Variants in KCNMA1 observed in about 807,000 individuals in gnomAD.
The protein encoded by KCNMA1 is Calcium-activated potassium channel subunit alpha-1.
In KCNMA1, 29 loss-of-function variants were observed where a neutral mutation model predicts 140.0. The ratio of observed to expected loss-of-function variants is 0.21; its 90% CI spans 0.15 to 0.28. The LOEUF (loss-of-function observed/expected upper bound fraction) is 0.28. Among genes scored for constraint, KCNMA1 ranks in the 10% least tolerant of loss-of-function variants. KCNMA1 has a pLI of 1.00. For synonymous variants in KCNMA1, 612 were observed against 611.9 expected (o/e 1.00, Z 0.00); for missense variants, 880 against 1,602.2 (o/e 0.55, Z 7.70).
At chr10:76,929,625 T>C (rs2058747788) in intron 23 of KCNMA1, among the ~76,000 whole-genome samples, 1 of 152,230 alleles carries the variant, frequency 6.6e-6, no homozygotes, top group Non-Finnish European at 1.5e-5. Flanking sequence ...GGATCAGAGA[T>C]GGTTTCCTTG....
intron 1 of KCNMA1, among the ~76,000 whole-genome samples, chr10:77,582,937 C>CAAT (rs1250318976): frequency 6.6e-6 from 1 of 152,254 alleles, no homozygotes; most frequent in Admixed American, 6.5e-5. Flanking sequence ...GACAGGCCAC[C>CAAT]AGCCCCATCC....
At chr10:77,175,121 T>G (rs1002810507) in intron 5 of KCNMA1, among the ~76,000 whole-genome samples, 1 of 152,128 alleles carries the variant, frequency 6.6e-6, no homozygotes, top group African/African-American at 2.4e-5. Context: ...TGGGTCTCGG[T>G]TGAGCTCTAA....
chr10:77,281,833 T>C (rs976720804), intron 2 of KCNMA1, among the ~76,000 whole-genome samples: 1 of 152,212 alleles, frequency 6.6e-6, no homozygotes, highest in Non-Finnish European at 1.5e-5. Context: ...ATGCTCAGAA[T>C]AGAAAAATCT....
At chr10:77,215,199 C>T (rs2154180129) in intron 3 of KCNMA1, among the ~76,000 whole-genome samples, 1 of 152,212 alleles carries the variant, frequency 6.6e-6, no homozygotes, top group African/African-American at 2.4e-5. Flanking sequence ...TAGAAGGACC[C>T]TGATTCCTCC....
At chr10:77,516,171 T>C (rs995182198) in intron 1 of KCNMA1, among the ~76,000 whole-genome samples, 2 of 152,034 alleles carry the variant, frequency 1.3e-5, no homozygotes, top group Non-Finnish European at 2.9e-5. Flanking sequence ...ATCCCCATCA[T>C]GTAGAGTACC....
intron 13 of KCNMA1, 136 bp downstream of exon 13, chr10:77,079,345 G>A: frequency 2.8e-6 from 2 of 707,968 alleles, no homozygotes; most frequent in South Asian, 2.9e-5. Context: ...AGGTCTTTGA[G>A]TTGCGCACAT....
intron 3 of KCNMA1, among the ~76,000 whole-genome samples, chr10:77,226,412 A>T (rs2051418164): frequency 6.6e-6 from 1 of 151,844 alleles, no homozygotes; most frequent in Non-Finnish European, 1.5e-5. Flanking sequence ...CATTAACGAG[A>T]CGACATTCCT....
rs543092930 is a variant in KCNMA1, at chr10:77,117,268, G to T, written c.884+3705C>A. 3.9e-5 allele frequency among the ~76,000 whole-genome samples: 6 copies of T among 152,058 alleles called. No homozygotes were observed. The East Asian group carries it at 1.2e-3, about 29-fold the overall frequency. On this transcript the variant is annotated intron_variant, in intron 6 of 27. Transcript: ENST00000286628. ...ATATTTTCAAAATTAGAGGAAACAG[G>T]CTGGGCACAGTGGCTCACACCTGTA...
Position 77,362,450 on chromosome 10 carries a change from G to T in KCNMA1, c.540+41412C>A, listed in dbSNP as rs186774753. On this transcript the variant is annotated intron_variant, in intron 2 of 27. Coordinates refer to ENST00000286628, the MANE Select transcript of KCNMA1 (RefSeq NM_001161352.2). Reference sequence around the variant, plus strand: ...AGATTTGCATTCAAATCCAGGTTGTGTCACTTCCTGCCCATATGTCTTTGG... The same window carrying T: ...AGATTTGCATTCAAATCCAGGTTGTTTCACTTCCTGCCCATATGTCTTTGG... Among the ~76,000 whole-genome samples the T allele has an allele frequency of 8.6e-5, 13 of 150,432 alleles. No individual in the cohort carries two copies. The East Asian group carries it at 2.0e-3, about 23-fold the overall frequency.
At chr10:77,363,718 T>C (rs2094152196) in intron 2 of KCNMA1, among the ~76,000 whole-genome samples, 1 of 152,164 alleles carries the variant, frequency 6.6e-6, no homozygotes, top group Non-Finnish European at 1.5e-5. Context: ...TGACTGTGCG[T>C]AGCTCTTTCT....
intron 5 of KCNMA1, among the ~76,000 whole-genome samples, chr10:77,168,128 G>A (rs1480818137): frequency 2.0e-5 from 3 of 152,132 alleles, no homozygotes; most frequent in East Asian, 3.8e-4. Context: ...CTACTAAACC[G>A]TGGGTATATA....
intron 1 of KCNMA1, among the ~76,000 whole-genome samples, chr10:77,440,021 G>T (rs72807566): frequency 7.2e-5 from 11 of 152,134 alleles, no homozygotes; most frequent in Non-Finnish European, 1.2e-4. Flanking sequence ...GGGCCAGGGC[G>T]GGGGCTGGGA....
intron 10 of KCNMA1, among the ~76,000 whole-genome samples, chr10:77,087,760 G>A (rs1291741419): frequency 2.6e-5 from 4 of 152,134 alleles, no homozygotes; most frequent in African/African-American, 9.7e-5. Context: ...AAGGTACCGT[G>A]CTAGGCACTG....
chr10:77,497,305 T>TA (rs2042313055), intron 1 of KCNMA1, among the ~76,000 whole-genome samples: 1 of 152,144 alleles, frequency 6.6e-6, no homozygotes, highest in Non-Finnish European at 1.5e-5. Context: ...GCCTCTGGAG[T>TA]GTCAGGTACC....
chr10:77,222,116 GA>G (rs985928285), intron 3 of KCNMA1, among the ~76,000 whole-genome samples: 1 of 152,092 alleles, frequency 6.6e-6, no homozygotes, highest in Non-Finnish European at 1.5e-5. Flanking sequence ...ACAAGAGAGA[GA>G]AAAAAAGGCA....
At chr10:77,214,612 C>A (rs1318393630) in intron 3 of KCNMA1, among the ~76,000 whole-genome samples, 1 of 152,170 alleles carries the variant, frequency 6.6e-6, no homozygotes, top group East Asian at 1.9e-4. Context: ...TCCTTTAGCC[C>A]ACTTTGATCA....
intron 3 of KCNMA1, among the ~76,000 whole-genome samples, chr10:77,249,086 C>T (rs1428759778): frequency 1.3e-5 from 2 of 152,320 alleles, no homozygotes; most frequent in African/African-American, 4.8e-5. Context: ...GATGAGGCTA[C>T]GACAGTCCTC....
At chr10:77,090,618 C>T in intron 9 of KCNMA1, 108 bp from the exon 10 acceptor site, 1 of 759,350 alleles carries the variant, frequency 1.3e-6, no homozygotes. Context: ...AAGCATTCAT[C>T]TCCTCCCTCC....
At position 77,240,888 on chromosome 10, in the gene KCNMA1, C is replaced by T. The variant is rs550972752; in HGVS notation, c.602+10307G>A. Among the ~76,000 whole-genome samples, 22 of 152,252 alleles carry T rather than the reference C, an allele frequency of 1.4e-4. No homozygotes were observed. The South Asian group carries it at 1.4e-3, about 10-fold the overall frequency. ...TTATTTTGTACTGTTGCACTCTCAG[C>T]GAACAGATCTCTTAAACCAGTAAGA... is the stretch of plus-strand genomic sequence containing the variant. On this transcript the variant is annotated intron_variant, in intron 3 of 27. Coordinates refer to ENST00000286628, the MANE Select transcript of KCNMA1 (RefSeq NM_001161352.2).
Sources: allele counts gnomAD v4.1 joint callset (sites outside exome capture counted in the v4.1 genomes callset), GRCh38; gene constraint gnomAD v4.1.1; transcripts MANE v1.5; gene names NCBI Gene and HGNC (gene_info 2026-07-23, HGNC 2026-07-21).